Variants in KAT6A observed in about 807,000 individuals in gnomAD.
KAT6A encodes the protein lysine acetyltransferase 6A.
In KAT6A, 9 loss-of-function variants were observed where a neutral mutation model predicts 198.4. The ratio of observed to expected loss-of-function variants is 0.05; its 90% confidence interval spans 0.03 to 0.08. The LOEUF is 0.08. KAT6A is among the 10% of genes least tolerant of loss of function. KAT6A has a pLI of 1.00. For missense variants in KAT6A, 2,077 were observed against 2,509.9 expected (o/e 0.83, Z 3.69); for synonymous variants, 890 against 883.0 (o/e 1.01, Z -0.14).
chr8:42,032,681 C>T (rs540080885), intron 2 of KAT6A, among the ~76,000 whole-genome samples: 142 of 152,120 alleles, frequency 9.3e-4, no homozygotes, highest in African/African-American at 3.2e-3. Flanking sequence ...AGCACATTAA[C>T]GAATGCCACG....
chr8:41,997,972 A>G (rs1454327970), intron 2 of KAT6A, among the ~76,000 whole-genome samples: 1 of 152,182 alleles, frequency 6.6e-6, no homozygotes, highest in Non-Finnish European at 1.5e-5. Context: ...ATTTTCAGGC[A>G]TGGTATAGTG....
At chr8:42,006,960 C>T (rs983994187) in intron 2 of KAT6A, among the ~76,000 whole-genome samples, 7 of 139,710 alleles carry the variant, frequency 5.0e-5, no homozygotes, top group African/African-American at 1.6e-4. Context: ...CATGCCACTG[C>T]ACTCCAGCCT....
At chr8:41,990,928 G>C (rs554826750) in intron 2 of KAT6A, among the ~76,000 whole-genome samples, 3 of 150,494 alleles carry the variant, frequency 2.0e-5, no homozygotes, top group African/African-American at 7.3e-5. Flanking sequence ...CTGGGAGGCA[G>C]AGGTTGCAGT....
intron 2 of KAT6A, among the ~76,000 whole-genome samples, chr8:42,014,144 T>G (rs1826153676): frequency 6.6e-6 from 1 of 152,146 alleles, no homozygotes. Flanking sequence ...TTTTAGCTCA[T>G]GAACTATAAA....
intron 2 of KAT6A, among the ~76,000 whole-genome samples, chr8:42,006,457 C>T (rs1825752358): frequency 6.6e-6 from 1 of 152,178 alleles, no homozygotes; most frequent in Admixed American, 6.5e-5. Context: ...CTCTGAAATG[C>T]TTGGGACAAG....
intron 2 of KAT6A, among the ~76,000 whole-genome samples, chr8:42,045,641 T>G (rs1802209523): frequency 6.6e-6 from 1 of 151,452 alleles, no homozygotes; most frequent in Non-Finnish European, 1.5e-5. Context: ...ATTTTTTCAA[T>G]TATTAAATCA....
intron 2 of KAT6A, among the ~76,000 whole-genome samples, chr8:41,989,521 ATAACGTAACGTGACGTGACG>A (rs1468791228): frequency 7.3e-6 from 1 of 137,902 alleles, no homozygotes; most frequent in Non-Finnish European, 1.6e-5. Flanking sequence ...GAAAAATAAC[ATAACGTAACGTGACGTGACG>A]TGACGTGACG....
At chr8:42,036,683 A>G (rs73628573) in intron 2 of KAT6A, among the ~76,000 whole-genome samples, 16,892 of 152,072 alleles carry the variant, frequency 0.11, 1,173 homozygotes, top group East Asian at 0.24. Context: ...AGTGAGTGAG[A>G]ATGTGCCATA....
intron 2 of KAT6A, among the ~76,000 whole-genome samples, chr8:42,010,606 A>G (rs1246799740): frequency 6.6e-6 from 1 of 152,140 alleles, no homozygotes; most frequent in Non-Finnish European, 1.5e-5. Flanking sequence ...ACTGTGCAAC[A>G]AGTCTGATTA....
chr8:42,013,260 CTTTT>C (rs34675415), intron 2 of KAT6A, among the ~76,000 whole-genome samples: 4 of 142,980 alleles, frequency 2.8e-5, no homozygotes, highest in Non-Finnish European at 1.5e-5. Context: ...TTCTTTCTTT[CTTTT>C]TTTTTTTTTT....
chr8:41,971,239 A>G (rs1049663355), intron 8 of KAT6A, among the ~76,000 whole-genome samples: 2 of 152,130 alleles, frequency 1.3e-5, no homozygotes, highest in African/African-American at 4.8e-5. Flanking sequence ...AAAAAAAAAA[A>G]AAAAGAAAGG....
chr8:41,968,574 T>C (rs564583329), intron 8 of KAT6A, among the ~76,000 whole-genome samples: 1 of 152,318 alleles, frequency 6.6e-6, no homozygotes, highest in East Asian at 1.9e-4. Context: ...TGGCGATTCC[T>C]CAGGGATCTA....
chr8:42,032,871 CTTTTTTTTTTT>C lies in KAT6A; in HGVS notation c.600+15496_600+15506del, dbSNP rs1163323345. ...GTCTAATGCTTATTTAAAACCTTGG[CTTTTTTTTTTT>C]TTTTTTTTTTTTTTGAGATGGAGTC... On this transcript the variant is annotated intron_variant, in intron 2 of 16. Coordinates refer to ENST00000265713, the MANE Select transcript of KAT6A (RefSeq NM_006766.5). Among the ~76,000 whole-genome samples, 169 of 76,548 alleles carry C rather than the reference CTTTTTTTTTTT, an allele frequency of 2.2e-3. 2 individuals carry two copies. The highest frequency in any genetic ancestry group is 1.8e-3 in the Non-Finnish European group (76 of 42,380). The allele number at this position is 76,548 out of a possible 152,430, so 50.2% of individuals were successfully genotyped here. A position where few individuals can be genotyped will look rare whatever the true frequency, so the allele number is the denominator to read the frequency against.
chr8:42,003,174 C>T (rs1348693766), intron 2 of KAT6A, among the ~76,000 whole-genome samples: 3 of 152,222 alleles, frequency 2.0e-5, no homozygotes, highest in Admixed American at 1.3e-4. Context: ...TATCTCCTAT[C>T]CTGCCACTGG....
At chr8:42,009,919 A>C (rs367983366) in intron 2 of KAT6A, among the ~76,000 whole-genome samples, 70 of 144,160 alleles carry the variant, frequency 4.9e-4, no homozygotes, top group African/African-American at 1.8e-3. Flanking sequence ...AAAAAACAAA[A>C]AAAAACAAAA....
chr8:41,996,703 T>TA (rs1384116128), intron 2 of KAT6A, among the ~76,000 whole-genome samples: 1 of 152,218 alleles, frequency 6.6e-6, no homozygotes, highest in African/African-American at 2.4e-5. Flanking sequence ...TGCCATGTTA[T>TA]AGCACTGCAA....
chr8:41,943,066 G>A (rs1249295767), intron 13 of KAT6A, 66 bp from the exon 14 acceptor site: 8 of 1,593,644 alleles, frequency 5.0e-6, no homozygotes, highest in Non-Finnish European at 6.0e-6. Context: ...TGAATGTGGA[G>A]ATGAGACCCC....
intron 2 of KAT6A, among the ~76,000 whole-genome samples, chr8:42,043,088 TAAAAAA>T (rs1827744956): frequency 6.6e-6 from 1 of 152,190 alleles, no homozygotes; most frequent in Admixed American, 6.5e-5. Flanking sequence ...GTTCATAAAC[TAAAAAA>T]GGCTTTCAAA....
intron 1 of KAT6A, among the ~76,000 whole-genome samples, chr8:42,050,325 A>T (rs1016400494): frequency 6.6e-6 from 1 of 152,244 alleles, no homozygotes; most frequent in African/African-American, 2.4e-5. Flanking sequence ...TTGTTTAATC[A>T]CTAAAGTACT....
Sources: allele counts gnomAD v4.1 joint callset (sites outside exome capture counted in the v4.1 genomes callset), GRCh38; gene constraint gnomAD v4.1.1; transcripts MANE v1.5; gene names NCBI Gene and HGNC (gene_info 2026-07-23, HGNC 2026-07-21).